SULF2: variants seen among roughly 807,000 people sequenced by gnomAD.
SULF2 encodes the protein sulfatase 2.
A neutral mutation model predicts 107.7 loss-of-function variants in SULF2; 52 were observed. The observed-to-expected ratio is 0.48, with a 90% confidence interval of 0.39 to 0.61. The LOEUF (loss-of-function observed/expected upper bound fraction) is 0.61, where lower values mean the gene tolerates loss of function less well. SULF2 is among the 20% of genes least tolerant of loss of function. The pLI is 0.00. For missense variants in SULF2, 993 were observed against 1,177.3 expected (o/e 0.84, Z 2.29); for synonymous variants, 460 against 464.3 (o/e 0.99, Z 0.12).
At position 47,731,184 on chromosome 20, in the gene SULF2, TC is replaced by T. The variant is rs1428086856; in HGVS notation, c.415+5518del. 4.2e-4 allele frequency among the ~76,000 whole-genome samples: 42 copies of T among 98,874 alleles called. 1 individual carries two copies. Among genetic ancestry groups the T allele is most frequent in the African/African-American group, 5.8e-4 (12 of 20,850 alleles). 64.9% of individuals were successfully genotyped at this position (98,874 alleles called of 152,430 possible). A position where few individuals can be genotyped will look rare whatever the true frequency, so the allele number is the denominator to read the frequency against. On this transcript the variant is annotated intron_variant, in intron 3 of 20. Coordinates refer to ENST00000688720, the MANE Select transcript of SULF2 (RefSeq NM_001387048.1). ...CTCTGCCTGCTACTCACCTGTATCT[TC>T]TCTTTTTTTTTTTTTTTTTTTTTTT...
intron 3 of SULF2, among the ~76,000 whole-genome samples, chr20:47,725,791 C>T (rs776938882): frequency 6.6e-6 from 1 of 152,216 alleles, no homozygotes; most frequent in South Asian, 2.1e-4. Flanking sequence ...CAGGCTAGAA[C>T]GGGTTCACAC....
At chr20:47,734,230 C>A (rs1044695107) in intron 3 of SULF2, among the ~76,000 whole-genome samples, 8 of 152,178 alleles carry the variant, frequency 5.3e-5, no homozygotes, top group African/African-American at 1.4e-4. Flanking sequence ...TATTTGACAT[C>A]CCCGGTCTCT....
chr20:47,740,903 C>T (rs998703920), intron 2 of SULF2, among the ~76,000 whole-genome samples: 2 of 152,086 alleles, frequency 1.3e-5, no homozygotes, highest in African/African-American at 2.4e-5. Flanking sequence ...CTGCTCCTCC[C>T]GAAGCCACTC....
At chr20:47,697,609 C>T (rs1019859845) in intron 4 of SULF2, among the ~76,000 whole-genome samples, 8 of 152,192 alleles carry the variant, frequency 5.3e-5, no homozygotes, top group South Asian at 2.1e-4. Context: ...CTGACTTCAC[C>T]GCCCCGCCCT....
chr20:47,716,844 A>G (rs2089137007), intron 3 of SULF2, among the ~76,000 whole-genome samples: 1 of 152,062 alleles, frequency 6.6e-6, no homozygotes, highest in African/African-American at 2.4e-5. Context: ...AAAACTAAAA[A>G]ATAAATATAT....
chr20:47,736,802 T>C lies in SULF2; in HGVS notation c.316A>G (p.Thr106Ala), dbSNP rs2089742906. The C allele has an allele frequency of 1.2e-6, 2 of 1,614,014 alleles. No individual in the cohort carries two copies. The highest frequency in any genetic ancestry group is 1.7e-6 in the Non-Finnish European group (2 of 1,179,954). Residue 106 changes from threonine (T) to alanine (A), a missense_variant, in exon 3 of 21, where the codon ACC becomes GCC. By Grantham distance (58) the Thr-to-Ala change is moderately conservative. Around this residue, in one of 3 missense-constraint regions of SULF2, gnomAD observed 388 missense variants for 449.2 expected, o/e 0.86. Transcript: ENST00000688720. ...GAGCAGTTCTCATTGTTGGTGTAGG[T>C]GTTGTGGTTGTGGACGTACTTGCCA... ...LTGKYVHNHN[T>A]YTNNENCSSP...
At position 47,779,329 on chromosome 20, in the gene SULF2, C is replaced by T. The variant is rs181126635; in HGVS notation, c.-101+6014G>A. Among the ~76,000 whole-genome samples the T allele has an allele frequency of 4.4e-3, 672 of 152,278 alleles. 17 individuals are homozygous for T. The highest frequency in any genetic ancestry group is 2.5e-3 in the Non-Finnish European group (169 of 68,030). On this transcript the variant is annotated intron_variant, in intron 1 of 20. Transcript: ENST00000688720. ...GTTTTCTGGGTGTCAAAATCACCCT[C>T]GGTTGAGAATCAAAGCCCTTTCCCT...
At chr20:47,781,116 G>T (rs1465338280) in intron 1 of SULF2, among the ~76,000 whole-genome samples, 1 of 152,252 alleles carries the variant, frequency 6.6e-6, no homozygotes, top group African/African-American at 2.4e-5. Context: ...CGAAAGCACA[G>T]GATCAAGGCC....
Position 47,659,455 on chromosome 20 carries a change from A to T in SULF2, c.2529-3T>A, listed in dbSNP as rs1446795827. 3.1e-6 allele frequency: 5 copies of T among 1,613,754 alleles called. No homozygotes were observed. The highest frequency in any genetic ancestry group is 4.2e-6 in the Non-Finnish European group (5 of 1,179,758). Reference sequence around the variant, plus strand: ...GCCACTTTCGACGCTGAAACTGCCTAAGTTTTCAAGTGTCAAAGGAGAATG... The same window carrying T: ...GCCACTTTCGACGCTGAAACTGCCTTAGTTTTCAAGTGTCAAAGGAGAATG... On this transcript the variant is annotated splice_region_variant and splice_polypyrimidine_tract_variant and intron_variant, in intron 19 of 20. Transcript: ENST00000688720.
intron 1 of SULF2, among the ~76,000 whole-genome samples, chr20:47,758,397 C>T (rs532172838): frequency 6.6e-6 from 1 of 152,148 alleles, no homozygotes; most frequent in Non-Finnish European, 1.5e-5. Flanking sequence ...TCTTGAACTC[C>T]TGAACTCAGG....
intron 4 of SULF2, among the ~76,000 whole-genome samples, chr20:47,693,311 C>T (rs1049269848): frequency 5.3e-5 from 8 of 152,168 alleles, no homozygotes; most frequent in Admixed American, 5.2e-4. Context: ...CAGGAAATGG[C>T]ATGAGAATGA....
chr20:47,767,235 A>T (rs1229586585), intron 1 of SULF2, among the ~76,000 whole-genome samples: 2 of 152,224 alleles, frequency 1.3e-5, no homozygotes, highest in Non-Finnish European at 2.9e-5. Flanking sequence ...TTTAACATGC[A>T]CGGAGACTTT....
In SULF2 at chr20:47,661,496, G is replaced by C. The variant is rs1410388953; in HGVS notation, c.2494+277C>G. On this transcript the variant is annotated intron_variant, in intron 18 of 20. Coordinates refer to ENST00000688720, the MANE Select transcript of SULF2 (RefSeq NM_001387048.1). ...AGGTGTAAGTTCTCAGGAAGTGTTT[G>C]TTGAATGCATGAGTGGACAAAAGGG... 1.1e-5 allele frequency: 3 copies of C among 277,172 alleles called. No homozygotes were observed. The East Asian group carries it at 2.1e-4, about 19-fold the overall frequency. 17.2% of individuals were successfully genotyped at this position (277,172 alleles called of 1,614,324 possible).
At chr20:47,706,285 G>A (rs1415411255) in intron 3 of SULF2, among the ~76,000 whole-genome samples, 1 of 151,990 alleles carries the variant, frequency 6.6e-6, no homozygotes, top group Non-Finnish European at 1.5e-5. Flanking sequence ...TCCATGCGGG[G>A]GGGCTCCACT....
chr20:47,658,137 G>A lies in SULF2; in HGVS notation c.*225C>T, dbSNP rs962164208. 54 of 597,718 alleles carry A rather than the reference G, an allele frequency of 9.0e-5. 4 individuals are homozygous for A. In the South Asian group the frequency reaches 1.1e-3, roughly 12 times the overall value. The allele number at this position is 597,718 out of a possible 1,614,324, so 37.0% of individuals were successfully genotyped here. A position where few individuals can be genotyped will look rare whatever the true frequency, so the allele number is the denominator to read the frequency against. On this transcript the variant is annotated 3_prime_UTR_variant, in exon 21 of 21. Coordinates refer to ENST00000688720, the MANE Select transcript of SULF2 (RefSeq NM_001387048.1). ...AAATGCATTTTGTGCAGCTGGTGAG[G>A]TATAATCCAAAGCAAAAGCAGGGGC...
intron 11 of SULF2, among the ~76,000 whole-genome samples, chr20:47,669,578 A>G (rs1165914837): frequency 1.3e-5 from 2 of 152,152 alleles, no homozygotes; most frequent in African/African-American, 4.8e-5. Flanking sequence ...AAAGAGGGAC[A>G]GAGTGTCTTG....
chr20:47,697,050 G>C (rs1161494457), intron 4 of SULF2, among the ~76,000 whole-genome samples: 1 of 152,130 alleles, frequency 6.6e-6, no homozygotes, highest in Non-Finnish European at 1.5e-5. Context: ...AATCTGCCAG[G>C]TCGCCCCCAC....
In SULF2 at chr20:47,672,006, G is replaced by T. The variant is rs12625799; in HGVS notation, c.1576+192C>A. Among the ~76,000 whole-genome samples, 34,539 of 152,122 alleles carry T rather than the reference G, an allele frequency of 0.23. 4,076 individuals are homozygous for T. Among genetic ancestry groups the T allele is most frequent in the South Asian group, 0.31 (1,512 of 4,828 alleles). On this transcript the variant is annotated intron_variant, in intron 11 of 20. Transcript: ENST00000688720. ...ATTACAGGCGTGAGCCATTGCGCCT[G>T]GCCTTATCTGTTTATTACTACTGCT...
At chr20:47,670,204 GT>G (rs565415784) in intron 11 of SULF2, among the ~76,000 whole-genome samples, 5 of 151,728 alleles carry the variant, frequency 3.3e-5, no homozygotes, top group African/African-American at 4.8e-5. Flanking sequence ...GAGACTTTTT[GT>G]TTTTTTTGAG....
Sources: allele counts gnomAD v4.1 joint callset (sites outside exome capture counted in the v4.1 genomes callset), GRCh38; gene constraint gnomAD v4.1.1; regional missense constraint gnomAD v4.1.1; transcripts MANE v1.5; gene names NCBI Gene and HGNC (gene_info 2026-07-23, HGNC 2026-07-21).